Variants in CHD6 observed in about 807,000 individuals in gnomAD.
The protein encoded by CHD6 is ATP-dependent chromatin remodeler CHD6.
CHD6 carries 50 observed loss-of-function variants against 276.9 expected under a neutral mutation model. The ratio of observed to expected loss-of-function variants is 0.18; its 90% CI spans 0.14 to 0.23. The LOEUF is 0.23. Ranked by LOEUF, CHD6 falls within the 10% of genes least tolerant of loss-of-function variation. CHD6 has a pLI of 1.00. For synonymous variants in CHD6, 1,173 were observed against 1,229.3 expected, an observed-to-expected ratio of 0.95 and a Z score of 0.96; for missense variants, 2,564 against 3,365.8, an observed-to-expected ratio of 0.76 and a Z score of 5.89.
chr20:41,556,243 AAAGAGG>A (rs1004226202), intron 1 of CHD6, among the ~76,000 whole-genome samples: 3 of 149,764 alleles, frequency 2.0e-5, no homozygotes, highest in Admixed American at 6.6e-5. Flanking sequence ...GAGACCGTGG[AAAGAGG>A]GAGAGGGAGA....
intron 5 of CHD6, among the ~76,000 whole-genome samples, chr20:41,502,728 G>T (rs905396837): frequency 2.6e-5 from 4 of 152,174 alleles, no homozygotes; most frequent in African/African-American, 9.7e-5. Flanking sequence ...ATATGTGGCT[G>T]GGCACGGTGG....
chr20:41,510,257 G>A (rs377046267), intron 5 of CHD6, among the ~76,000 whole-genome samples: 6 of 152,352 alleles, frequency 3.9e-5, no homozygotes, highest in East Asian at 1.9e-4. Context: ...TTTCGTTAGC[G>A]TGGGAAATCT....
chr20:41,566,678 C>T (rs2045358882), intron 1 of CHD6, among the ~76,000 whole-genome samples: 1 of 152,198 alleles, frequency 6.6e-6, no homozygotes, highest in South Asian at 2.1e-4. Flanking sequence ...GTCACCCCGT[C>T]CTCTTGGTAC....
intron 3 of CHD6, among the ~76,000 whole-genome samples, chr20:41,527,781 T>C (rs546591540): frequency 6.6e-5 from 10 of 152,328 alleles, no homozygotes; most frequent in Middle Eastern, 3.4e-3. Context: ...GGAAACCTCA[T>C]GTCCAATGCA....
Position 41,405,088 on chromosome 20 carries a change from C to T in CHD6, c.7653G>A (p.Pro2551=), listed in dbSNP as rs764944658. The change falls in exon 37 of 37, where the codon CCG becomes CCA. Residue 2551 remains proline (P), a synonymous_variant. Transcript: ENST00000373233. ...TTTTCGTTGTGCTTGATAGAGACGC[C>T]GGAGCAGTGGAAGTGCAGGTGGTTG... The part of the protein sequence containing the change: ...PMATTCTSTA[P]ASLSSTTKSG... The T allele has an allele frequency of 2.7e-5, 44 of 1,614,082 alleles. 1 individual carries two copies. Among genetic ancestry groups the T allele is most frequent in the South Asian group, 1.5e-4 (14 of 91,080 alleles).
intron 17 of CHD6, among the ~76,000 whole-genome samples, chr20:41,465,956 G>C (rs2042910367): frequency 6.6e-6 from 1 of 152,092 alleles, no homozygotes; most frequent in Non-Finnish European, 1.5e-5. Flanking sequence ...TGTAATCCCA[G>C]CACTTTGGGA....
Position 41,533,111 on chromosome 20 carries a change from C to G in CHD6, c.493G>C (p.Glu165Gln). The G allele has an allele frequency of 6.2e-7, 1 of 1,613,942 alleles. No homozygotes were observed. Among genetic ancestry groups the G allele is most frequent in the Non-Finnish European group, 8.5e-7 (1 of 1,179,928 alleles). Residue 165 changes from glutamate (E) to glutamine (Q), a missense_variant, in exon 3 of 37, where the codon GAG becomes CAG. This residue lies in a region of CHD6 where 286 missense variants were observed against 297.8 expected (regional missense o/e 0.96). Transcript: ENST00000373233. ...GTGCAGCTCCTCTTCTCTTTGGCCTCCTTGGTGCCCGAGGCCTCCCGGGGC... is the reference window on the plus strand; with the variant it reads ...GTGCAGCTCCTCTTCTCTTTGGCCTGCTTGGTGCCCGAGGCCTCCCGGGGC... The part of the protein sequence containing the change: ...RKPREASGTK[E>Q]AKEKRSCTDS...
At chr20:41,500,810 A>G (rs768622974) in intron 5 of CHD6, among the ~76,000 whole-genome samples, 1 of 152,190 alleles carries the variant, frequency 6.6e-6, no homozygotes, top group Non-Finnish European at 1.5e-5. Flanking sequence ...TGAATGCTAA[A>G]TAACAAGCAA....
At chr20:41,582,725 T>C (rs911402124) in intron 1 of CHD6, among the ~76,000 whole-genome samples, 1 of 152,166 alleles carries the variant, frequency 6.6e-6, no homozygotes, top group Admixed American at 6.5e-5. Flanking sequence ...ACAATTGATA[T>C]GTTAAAAAAT....
At chr20:41,500,147 T>A (rs2145904917) in intron 5 of CHD6, among the ~76,000 whole-genome samples, 1 of 152,268 alleles carries the variant, frequency 6.6e-6, no homozygotes, top group South Asian at 2.1e-4. Flanking sequence ...CACAATGACC[T>A]TTTCAGATCT....
At chr20:41,480,156 C>T (rs935963430) in intron 16 of CHD6, among the ~76,000 whole-genome samples, 1 of 152,054 alleles carries the variant, frequency 6.6e-6, no homozygotes, top group Admixed American at 6.5e-5. Flanking sequence ...TGGAATCCAC[C>T]AACAAGAAGA....
At chr20:41,498,305 A>T in intron 6 of CHD6, 79 bp from the exon 7 acceptor site, 1 of 941,250 alleles carries the variant, frequency 1.1e-6, no homozygotes, top group Non-Finnish European at 1.7e-6. Context: ...ACAGGTAATC[A>T]ATATCTCTGC....
intron 16 of CHD6, among the ~76,000 whole-genome samples, chr20:41,480,936 G>T (rs1337309218): frequency 6.6e-6 from 1 of 151,956 alleles, no homozygotes; most frequent in Non-Finnish European, 1.5e-5. Context: ...GATGCAGCTT[G>T]GGTGAAGAAG....
chr20:41,549,742 G>A (rs908762910), intron 2 of CHD6, among the ~76,000 whole-genome samples: 6 of 152,008 alleles, frequency 3.9e-5, no homozygotes, highest in African/African-American at 1.4e-4. Context: ...ATTGCTTTAA[G>A]AAATATAAAC....
intron 1 of CHD6, among the ~76,000 whole-genome samples, chr20:41,562,605 A>G (rs2045313444): frequency 6.6e-6 from 1 of 152,162 alleles, no homozygotes; most frequent in Non-Finnish European, 1.5e-5. Flanking sequence ...TTTGTGTATA[A>G]GTCAGGCAAA....
intron 5 of CHD6, among the ~76,000 whole-genome samples, chr20:41,508,564 G>A (rs1266628671): frequency 7.9e-5 from 12 of 152,148 alleles, no homozygotes; most frequent in Admixed American, 6.5e-5. Flanking sequence ...AAACCAAGAG[G>A]AAACAAATAC....
At chr20:41,546,523 T>C (rs990000876) in intron 2 of CHD6, among the ~76,000 whole-genome samples, 2 of 152,224 alleles carry the variant, frequency 1.3e-5, no homozygotes, top group Admixed American at 1.3e-4. Context: ...ATAATATTTA[T>C]CATTTTTTAT....
At chr20:41,415,046 A>ATATTTTCTC in intron 34 of CHD6, 140 bp downstream of exon 34, 1 of 1,461,618 alleles carries the variant, frequency 6.8e-7, no homozygotes, top group Non-Finnish European at 9.0e-7. Flanking sequence ...GATGGAGGGC[A>ATATTTTCTC]TCTTATAATG....
At position 41,533,469 on chromosome 20, in the gene CHD6, T is replaced by C. The variant is rs1363961964; in HGVS notation, c.135A>G (p.Glu45=). The change falls in exon 3 of 37, where the codon GAA becomes GAG. Residue 45 remains glutamate (E), a synonymous_variant. Coordinates refer to ENST00000373233, the MANE Select transcript of CHD6 (RefSeq NM_032221.5). ...GACTAGCAACATCTTCAATTTTCTC[T>C]TCTTGATCAGTGCTGCAGTCAAATG... ...PSPFDCSTDQ[E]EKIEDVASHC... 1.9e-6 allele frequency: 3 copies of C among 1,614,190 alleles called. No individual in the cohort carries two copies. Among genetic ancestry groups the C allele is most frequent in the Non-Finnish European group, 2.5e-6 (3 of 1,180,032 alleles).
Sources: gnomAD v4.1 joint callset for allele counts (sites outside exome capture counted in the v4.1 genomes callset) on GRCh38, gnomAD v4.1.1 for gene constraint, gnomAD v4.1.1 regional missense constraint, MANE v1.5 for transcripts, NCBI Gene and HGNC (gene_info 2026-07-23, HGNC 2026-07-21) for gene names.